The following HIP1 variants were observed in gnomAD, a reference collection of about 807,000 sequenced individuals.
The protein encoded by HIP1 is huntingtin interacting protein 1.
A neutral mutation model predicts 147.6 loss-of-function variants in HIP1; 65 were observed. The ratio of observed to expected loss-of-function variants is 0.44; its 90% CI spans 0.36 to 0.54. The LOEUF is 0.54. HIP1 is among the 20% of genes least tolerant of loss of function. The pLI, the probability that HIP1 is intolerant of heterozygous loss-of-function variation, is 0.00. For synonymous variants in HIP1, 479 were observed against 504.0 expected (o/e 0.95, Z 0.67); for missense variants, 1,061 against 1,299.6 (o/e 0.82, Z 2.82).
intron 1 of HIP1, among the ~76,000 whole-genome samples, chr7:75,712,920 A>G (rs952529035): frequency 3.3e-5 from 5 of 152,228 alleles, no homozygotes; most frequent in Non-Finnish European, 7.3e-5. Flanking sequence ...TCACAAATTC[A>G]ATCATTCATT....
chr7:75,659,962 C>CTTTTTAG (rs2117209108), intron 1 of HIP1, among the ~76,000 whole-genome samples: 1 of 151,558 alleles, frequency 6.6e-6, no homozygotes, highest in African/African-American at 2.4e-5. Flanking sequence ...CCGGTCTCTA[C>CTTTTTAG]TAAAAATACA....
At chr7:75,553,610 AC>A (rs1250945395) in intron 21 of HIP1, 21 bp from the exon 22 acceptor site, 1 of 1,607,410 alleles carries the variant, frequency 6.2e-7, no homozygotes, top group Non-Finnish European at 8.5e-7. Context: ...AAGGCAATAG[AC>A]ACTTTTTTTT....
At chr7:75,728,503 T>A (rs1051804316) in intron 1 of HIP1, among the ~76,000 whole-genome samples, 16 of 152,294 alleles carry the variant, frequency 1.1e-4, no homozygotes, top group Middle Eastern at 3.4e-3. Flanking sequence ...CTGTGCCCGC[T>A]GCCACACCCA....
Position 75,586,756 on chromosome 7 carries a change from G to A in HIP1, c.462C>T (p.Thr154=). 1 of 1,606,032 alleles carries A rather than the reference G, an allele frequency of 6.2e-7. No individual in the cohort carries two copies. The highest frequency in any genetic ancestry group is 1.1e-5 in the South Asian group (1 of 90,844). Reference sequence around the variant, plus strand: ...AGAACTGTCCGCAGAGACTCACTTTGGTGTGGTACTCCATCTTGGTTCTTA... The same window carrying A: ...AGAACTGTCCGCAGAGACTCACTTTAGTGTGGTACTCCATCTTGGTTCTTA... The part of the protein sequence containing the change: ...KLLRTKMEYH[T]KNPRFPGNLQ... The change falls in exon 5 of 31, where the codon ACC becomes ACT. Residue 154 remains threonine, a synonymous_variant. Transcript: ENST00000336926.
chr7:75,550,680 T>C (rs1794748317), intron 22 of HIP1, among the ~76,000 whole-genome samples: 1 of 152,198 alleles, frequency 6.6e-6, no homozygotes, highest in Non-Finnish European at 1.5e-5. Context: ...CCCAAAGTGC[T>C]GGGATTTTCA....
chr7:75,539,191 T>C, intron 30 of HIP1, 132 bp downstream of exon 30: 1 of 666,202 alleles, frequency 1.5e-6, no homozygotes, highest in Non-Finnish European at 2.7e-6. Context: ...ACAGGTTCCA[T>C]GAGGAGAGAA....
chr7:75,683,036 G>A (rs1800142399), intron 1 of HIP1, among the ~76,000 whole-genome samples: 1 of 151,988 alleles, frequency 6.6e-6, no homozygotes, highest in South Asian at 2.1e-4. Flanking sequence ...AGGCTAGAGT[G>A]CAGTGGTGCG....
rs558428228 is a variant in HIP1 at position 75,682,242 on chromosome 7, C to A, written c.120+56559G>T. ...AAGTGCTGGGATTTCAGGCATGAGT[C>A]ACCCCCACCAGCCTATCATCATTTT... On this transcript the variant is annotated intron_variant, in intron 1 of 30. Coordinates refer to ENST00000336926, the MANE Select transcript of HIP1 (RefSeq NM_005338.7). Among the ~76,000 whole-genome samples, 25 of 151,572 alleles carry A rather than the reference C, an allele frequency of 1.6e-4. 1 individual carries two copies. The South Asian group carries it at 5.2e-3, about 32-fold the overall frequency.
chr7:75,545,579 T>C (rs1368391232), intron 25 of HIP1, among the ~76,000 whole-genome samples: 1 of 150,982 alleles, frequency 6.6e-6, no homozygotes, highest in Non-Finnish European at 1.5e-5. Flanking sequence ...GAGGCGGAGG[T>C]TGCAGTGAGC....
chr7:75,601,471 C>G (rs189629709), intron 1 of HIP1, among the ~76,000 whole-genome samples: 2 of 151,970 alleles, frequency 1.3e-5, no homozygotes, highest in African/African-American at 4.8e-5. Context: ...CGCCTGTAAT[C>G]CCAGCTACTT....
rs1554488592 is a variant in HIP1 at position 75,536,132 on chromosome 7, C to G, written c.*2040G>C. 1 of 196,268 alleles carries G rather than the reference C, an allele frequency of 5.1e-6. No homozygotes were observed. The allele number at this position is 196,268 out of a possible 1,614,324, so 12.2% of individuals were successfully genotyped here. On this transcript the variant is annotated 3_prime_UTR_variant, in exon 31 of 31. Coordinates refer to ENST00000336926, the MANE Select transcript of HIP1 (RefSeq NM_005338.7). Reference sequence around the variant, plus strand: ...ACACCGATTGGTTTAGTTGCCACAACTGGGACAGGGAAGCCACGCACCATT... The same window carrying G: ...ACACCGATTGGTTTAGTTGCCACAAGTGGGACAGGGAAGCCACGCACCATT...
At chr7:75,639,749 C>T (rs1385022880) in intron 1 of HIP1, among the ~76,000 whole-genome samples, 15 of 152,124 alleles carry the variant, frequency 9.9e-5, no homozygotes, top group African/African-American at 3.4e-4. Flanking sequence ...AGGGGGTCCG[C>T]TCGGCCCCTC....
chr7:75,589,056 A>G (rs1218169887), intron 4 of HIP1, among the ~76,000 whole-genome samples: 1 of 151,778 alleles, frequency 6.6e-6, no homozygotes, highest in Non-Finnish European at 1.5e-5. Flanking sequence ...AGGCTGAGAC[A>G]GGAGAATCAC....
chr7:75,633,588 C>T (rs963927595), intron 1 of HIP1, among the ~76,000 whole-genome samples: 1 of 152,112 alleles, frequency 6.6e-6, no homozygotes, highest in Non-Finnish European at 1.5e-5. Flanking sequence ...CACCGCGCAC[C>T]TGGCCTATTT....
chr7:75,584,568 G>A lies in HIP1; in HGVS notation c.465+2185C>T, dbSNP rs587644143. On this transcript the variant is annotated intron_variant, in intron 5 of 30. Coordinates refer to ENST00000336926, the MANE Select transcript of HIP1 (RefSeq NM_005338.7). ...TTCGACCCCAGTTCTCCAAGCCCAC[G>A]TGACCATTCCCTTCTGCCCTTCCAT... 7.2e-4 allele frequency among the ~76,000 whole-genome samples: 110 copies of A among 152,246 alleles called. 2 individuals are homozygous for A. The South Asian group carries it at 0.016, about 22-fold the overall frequency.
At chr7:75,710,119 A>G in intron 1 of HIP1, among the ~76,000 whole-genome samples, 1 of 151,898 alleles carries the variant, frequency 6.6e-6, no homozygotes, top group Non-Finnish European at 1.5e-5. Flanking sequence ...ACTGGTCTTG[A>G]ACTCCTAGGC....
At chr7:75,595,289 T>TTTCTTTTTCTCTCTTTCA (rs1796694222) in intron 2 of HIP1, among the ~76,000 whole-genome samples, 1 of 148,246 alleles carries the variant, frequency 6.7e-6, no homozygotes, top group African/African-American at 2.5e-5. Context: ...CCTTCCTTTC[T>TTTCTTTTTCTCTCTTTCA]TTCTTTCTCT....
chr7:75,577,986 C>T (rs140889689), intron 7 of HIP1, among the ~76,000 whole-genome samples: 68 of 152,148 alleles, frequency 4.5e-4, no homozygotes, highest in African/African-American at 1.4e-3. Context: ...GGCAACAGAG[C>T]GAGACTCTCT....
At chr7:75,660,461 AG>A (rs1799276734) in intron 1 of HIP1, among the ~76,000 whole-genome samples, 1 of 152,174 alleles carries the variant, frequency 6.6e-6, no homozygotes, top group Non-Finnish European at 1.5e-5. Flanking sequence ...CACGAGGCAG[AG>A]GTTGCAGTGA....
Sources: gnomAD v4.1 joint callset for allele counts (sites outside exome capture counted in the v4.1 genomes callset) on GRCh38, gnomAD v4.1.1 for gene constraint, MANE v1.5 for transcripts, NCBI Gene and HGNC (gene_info 2026-07-23, HGNC 2026-07-21) for gene names.